The following PTPRD variants were observed in gnomAD, a reference collection of about 807,000 sequenced individuals.
PTPRD encodes protein tyrosine phosphatase receptor type D.
PTPRD carries 34 observed loss-of-function variants against 214.5 expected under a neutral mutation model. The observed-to-expected ratio is 0.16, with a 90% CI of 0.12 to 0.21. The LOEUF (loss-of-function observed/expected upper bound fraction) is 0.21, where lower values mean the gene tolerates loss of function less well. Ranked by LOEUF, PTPRD falls within the 10% of genes least tolerant of loss-of-function variation. The pLI, the probability that PTPRD is intolerant of heterozygous loss-of-function variation, is 1.00. For synonymous variants in PTPRD, 1,128 were observed against 845.7 expected (o/e 1.33, Z -5.79); for missense variants, 2,545 against 2,398.7 (o/e 1.06, Z -1.27).
chr9:10,590,771 T>C (rs544933003), intron 2 of PTPRD, among the ~76,000 whole-genome samples: 4 of 151,850 alleles, frequency 2.6e-5, no homozygotes, highest in Non-Finnish European at 5.9e-5. Context: ...AAAATCTCCT[T>C]TAGGAGTTTC....
chr9:9,067,264 C>G (rs1427167676), intron 10 of PTPRD, among the ~76,000 whole-genome samples: 2 of 152,116 alleles, frequency 1.3e-5, no homozygotes, highest in African/African-American at 4.8e-5. Flanking sequence ...AACAAAAAAA[C>G]TTGTCTTAAT....
chr9:10,276,186 C>G (rs918132179), intron 3 of PTPRD, among the ~76,000 whole-genome samples: 2 of 152,132 alleles, frequency 1.3e-5, no homozygotes, highest in African/African-American at 4.8e-5. Context: ...TGTAGAGGAT[C>G]TCAGGTTAAA....
intron 27 of PTPRD, among the ~76,000 whole-genome samples, chr9:8,491,254 G>A (rs910111662): frequency 1.3e-5 from 2 of 152,120 alleles, no homozygotes; most frequent in Non-Finnish European, 2.9e-5. Context: ...AATTCCAAAG[G>A]AATTCTATAT....
intron 7 of PTPRD, among the ~76,000 whole-genome samples, chr9:9,583,907 A>G (rs890836273): frequency 1.3e-5 from 2 of 152,012 alleles, no homozygotes; most frequent in Non-Finnish European, 2.9e-5. Context: ...ATGGTTGGCT[A>G]CTTTAATCAA....
chr9:8,666,901 C>G (rs2097181286), intron 12 of PTPRD, among the ~76,000 whole-genome samples: 1 of 152,090 alleles, frequency 6.6e-6, no homozygotes, highest in Admixed American at 6.5e-5. Context: ...TATTTTCACA[C>G]TAGCACAAGC....
At chr9:10,610,056 T>TA (rs1187080757) in intron 2 of PTPRD, among the ~76,000 whole-genome samples, 3 of 152,162 alleles carry the variant, frequency 2.0e-5, no homozygotes, top group Non-Finnish European at 4.4e-5. Flanking sequence ...CTGATCTGAA[T>TA]AACAAGAACA....
intron 11 of PTPRD, among the ~76,000 whole-genome samples, chr9:8,947,068 G>A (rs1295749837): frequency 7.5e-6 from 1 of 133,682 alleles, no homozygotes; most frequent in African/African-American, 2.8e-5. Flanking sequence ...TCTTCCTCCG[G>A]TTTTATTTAT....
intron 3 of PTPRD, among the ~76,000 whole-genome samples, chr9:10,250,624 G>A (rs924560124): frequency 2.6e-5 from 4 of 151,870 alleles, no homozygotes; most frequent in African/African-American, 9.7e-5. Flanking sequence ...AAATATTTTA[G>A]TTACACAGGA....
At chr9:8,816,258 G>C (rs1240421001) in intron 11 of PTPRD, among the ~76,000 whole-genome samples, 2 of 152,182 alleles carry the variant, frequency 1.3e-5, no homozygotes, top group Non-Finnish European at 2.9e-5. Flanking sequence ...ATGATCATTG[G>C]TCTAGATTCA....
At chr9:10,411,166 T>C (rs1158483905) in intron 2 of PTPRD, among the ~76,000 whole-genome samples, 1 of 151,774 alleles carries the variant, frequency 6.6e-6, no homozygotes, top group Non-Finnish European at 1.5e-5. Context: ...TGATGTAAAA[T>C]TCTAAGTGAA....
At chr9:8,558,552 C>T (rs1159208662) in intron 14 of PTPRD, among the ~76,000 whole-genome samples, 1 of 152,146 alleles carries the variant, frequency 6.6e-6, no homozygotes, top group Non-Finnish European at 1.5e-5. Context: ...TCAGAAACAG[C>T]CTTTTCACAT....
chr9:9,135,745 T>C (rs961178015), intron 10 of PTPRD, among the ~76,000 whole-genome samples: 2 of 152,214 alleles, frequency 1.3e-5, no homozygotes, highest in Admixed American at 1.3e-4. Flanking sequence ...ATGAATGTTA[T>C]ATTGTAACAA....
intron 14 of PTPRD, among the ~76,000 whole-genome samples, chr9:8,556,607 C>T (rs1307456081): frequency 6.6e-6 from 1 of 150,608 alleles, no homozygotes; most frequent in African/African-American, 2.5e-5. Context: ...ATTAATATAA[C>T]CACACATTTC....
At chr9:9,380,069 G>T (rs968275057) in intron 9 of PTPRD, among the ~76,000 whole-genome samples, 2 of 152,010 alleles carry the variant, frequency 1.3e-5, no homozygotes, top group Non-Finnish European at 1.5e-5. Context: ...GGTGTAGCGA[G>T]ATAGGGAATC....
chr9:9,928,916 T>G (rs1443679658), intron 5 of PTPRD, among the ~76,000 whole-genome samples: 2 of 152,158 alleles, frequency 1.3e-5, no homozygotes, highest in African/African-American at 2.4e-5. Context: ...ACTTAAACAT[T>G]TATAAAATAT....
chr9:9,952,750 C>T (rs2093569878), intron 4 of PTPRD, among the ~76,000 whole-genome samples: 1 of 152,072 alleles, frequency 6.6e-6, no homozygotes, highest in African/African-American at 2.4e-5. Context: ...GGTTTAAACA[C>T]TGAAGATAGA....
At chr9:9,693,725 T>C (rs1167147632) in intron 7 of PTPRD, among the ~76,000 whole-genome samples, 1 of 152,202 alleles carries the variant, frequency 6.6e-6, no homozygotes, top group Non-Finnish European at 1.5e-5. Context: ...AGGCCACTCT[T>C]AGACTTACCC....
intron 39 of PTPRD, among the ~76,000 whole-genome samples, chr9:8,363,554 C>A (rs373825539): frequency 2.6e-5 from 4 of 151,166 alleles, no homozygotes; most frequent in Non-Finnish European, 5.9e-5. Flanking sequence ...TATAGATTGA[C>A]CAAAAAACCC....
intron 14 of PTPRD, among the ~76,000 whole-genome samples, chr9:8,614,939 C>G (rs2095561778): frequency 6.6e-6 from 1 of 152,118 alleles, no homozygotes; most frequent in African/African-American, 2.4e-5. Context: ...GCTCAAGCTA[C>G]TTTTAAAGAA....
Sources: allele counts gnomAD v4.1 joint callset (sites outside exome capture counted in the v4.1 genomes callset), GRCh38; gene constraint gnomAD v4.1.1; transcripts MANE v1.5; gene names NCBI Gene and HGNC (gene_info 2026-07-23, HGNC 2026-07-21).